The following MICAL2 variants were observed in gnomAD, a reference collection of about 807,000 sequenced individuals.
MICAL2 encodes microtubule associated monooxygenase, calponin and LIM domain containing 2.
A neutral mutation model predicts 127.3 loss-of-function variants in MICAL2; 77 were observed. That is an observed-to-expected ratio of 0.60 (90% CI 0.50 to 0.73). The LOEUF (loss-of-function observed/expected upper bound fraction) is 0.73, where lower values mean the gene tolerates loss of function less well. Among genes scored for constraint, MICAL2 ranks in the 30% least tolerant of loss-of-function variants. The probability of loss-of-function intolerance (pLI) is 0.00; values close to 1 mark genes in which losing one functional copy is unlikely to be tolerated. For synonymous variants in MICAL2, 570 were observed against 551.1 expected, an observed-to-expected ratio of 1.03 and a Z score of -0.48; for missense variants, 1,351 against 1,434.4, an observed-to-expected ratio of 0.94 and a Z score of 0.94.
Position 12,319,564 on chromosome 11 carries a change from C to A in MICAL2, c.5213-132C>A, listed in dbSNP as rs545214225. ...CTTAGGTACTGTTGCCTCATGCTCA[C>A]GGCAGGTGCAGTGAGGGGAGGGCAG... is the stretch of plus-strand genomic sequence containing the variant. On this transcript the variant is annotated intron_variant, in intron 29 of 34. Transcript: ENST00000646065. 31 of 657,104 alleles carry A rather than the reference C, an allele frequency of 4.7e-5. 1 individual carries two copies. Among genetic ancestry groups the A allele is most frequent in the African/African-American group, 4.0e-4 (22 of 54,650 alleles). 40.7% of individuals were successfully genotyped at this position (657,104 alleles called of 1,614,324 possible). A position where few individuals can be genotyped will look rare whatever the true frequency, so the allele number is the denominator to read the frequency against.
rs768211689 is a variant in MICAL2 at position 12,204,458 on chromosome 11, G to C, written c.472+1G>C. On this transcript the variant is annotated splice_donor_variant, in intron 4 of 27. Coordinates refer to ENST00000683283, the MANE Select transcript of MICAL2 (RefSeq NM_001282663.2). LOFTEE classifies it high-confidence loss of function. ...TGTGCTGGCTCCATCGACCATATCAGTGAGTGGAGTCTATGGTGATATCCC... is the reference window on the plus strand; with the variant it reads ...TGTGCTGGCTCCATCGACCATATCACTGAGTGGAGTCTATGGTGATATCCC... 1.9e-6 allele frequency: 3 copies of C among 1,613,954 alleles called. No homozygotes were observed. The South Asian group carries it at 3.3e-5, about 18-fold the overall frequency.
At chr11:12,317,091 A>G (rs1054840620) in intron 29 of MICAL2, among the ~76,000 whole-genome samples, 1 of 152,136 alleles carries the variant, frequency 6.6e-6, no homozygotes, top group Non-Finnish European at 1.5e-5. Context: ...TAAGCAATAG[A>G]CTCAAGGGGA....
chr11:12,349,975 G>C (rs1458841262), intron 33 of MICAL2: 1 of 1,541,446 alleles, frequency 6.5e-7, no homozygotes, highest in Non-Finnish European at 9.0e-7. Flanking sequence ...AGTCCTAAAA[G>C]CAAAGGGGCA....
chr11:12,337,796 T>G (rs1590743884), intron 32 of MICAL2, among the ~76,000 whole-genome samples: 2 of 152,214 alleles, frequency 1.3e-5, no homozygotes, highest in African/African-American at 4.8e-5. Context: ...AGTTCTAGTT[T>G]GATTGCACTA....
intron 2 of MICAL2, 109 bp from the exon 3 acceptor site, chr11:12,161,970 G>T: frequency 1.5e-6 from 1 of 667,044 alleles, no homozygotes; most frequent in Non-Finnish European, 2.5e-6. Context: ...TAAATAGTGT[G>T]GTTAATATTT....
intron 2 of MICAL2, among the ~76,000 whole-genome samples, chr11:12,141,093 T>C (rs1415050930): frequency 1.3e-5 from 2 of 152,084 alleles, no homozygotes; most frequent in Non-Finnish European, 2.9e-5. Context: ...ATCCGCTGGG[T>C]CTGCTCTTTC....
chr11:12,134,979 A>G (rs1168706606), intron 1 of MICAL2, among the ~76,000 whole-genome samples: 3 of 152,354 alleles, frequency 2.0e-5, no homozygotes, highest in South Asian at 4.1e-4. Context: ...CTATGGCTGC[A>G]GGCAGCTCCC....
intron 32 of MICAL2, among the ~76,000 whole-genome samples, chr11:12,333,934 C>T (rs184124197): frequency 3.6e-4 from 55 of 152,180 alleles, no homozygotes; most frequent in Non-Finnish European, 6.9e-4. Context: ...TTAGAGATCA[C>T]AGGAAATAAG....
chr11:12,220,932 C>G (rs1044965440), intron 9 of MICAL2, among the ~76,000 whole-genome samples: 2 of 152,238 alleles, frequency 1.3e-5, no homozygotes, highest in Non-Finnish European at 2.9e-5. Flanking sequence ...GTGCAAGGAT[C>G]CTTAGATTAA....
At chr11:12,151,048 T>G (rs2133718159) in intron 2 of MICAL2, among the ~76,000 whole-genome samples, 1 of 152,260 alleles carries the variant, frequency 6.6e-6, no homozygotes, top group Non-Finnish European at 1.5e-5. Context: ...AAAGGAGTAC[T>G]TAGTGACTCA....
At chr11:12,284,124 C>A (rs927700759) in intron 2 of MICAL2, among the ~76,000 whole-genome samples, 3 of 152,142 alleles carry the variant, frequency 2.0e-5, no homozygotes, top group Non-Finnish European at 4.4e-5. Context: ...CTAAATGAAT[C>A]GATCTAGTGC....
At chr11:12,143,584 AT>A (rs1307388108) in intron 2 of MICAL2, among the ~76,000 whole-genome samples, 1 of 152,148 alleles carries the variant, frequency 6.6e-6, no homozygotes, top group Non-Finnish European at 1.5e-5. Context: ...GTGATTATTG[AT>A]GGGGCAAAGT....
rs758903906 is a variant in MICAL2, at chr11:12,209,423, C to T, written c.590-74C>T. 5.0e-6 allele frequency: 6 copies of T among 1,196,758 alleles called. No individual in the cohort carries two copies. The Admixed American group carries it at 1.0e-4, about 20-fold the overall frequency. The allele number at this position is 1,196,758 out of a possible 1,614,324, so 74.1% of individuals were successfully genotyped here. On this transcript the variant is annotated intron_variant, in intron 5 of 27. Transcript: ENST00000683283. ...TGGCTGCACTGTCCATTTCTCATAG[C>T]CACCACACGGGGGGTATAATCATTC...
intron 3 of MICAL2, among the ~76,000 whole-genome samples, chr11:12,202,520 A>G (rs1053740647): frequency 3.9e-5 from 6 of 152,368 alleles, no homozygotes; most frequent in African/African-American, 1.4e-4. Flanking sequence ...AACCCACAGT[A>G]AGTGTTCAAC....
chr11:12,182,445 C>T (rs983082267), intron 3 of MICAL2, among the ~76,000 whole-genome samples: 1 of 152,152 alleles, frequency 6.6e-6, no homozygotes. Flanking sequence ...CAAATTTCCA[C>T]ATCTGTAAAA....
chr11:12,213,795 A>G (rs1353271797), intron 7 of MICAL2, among the ~76,000 whole-genome samples: 4 of 152,182 alleles, frequency 2.6e-5, no homozygotes. Context: ...GGTCAGCATG[A>G]TATTTAGGGA....
chr11:12,358,300 C>G, exon 35 of MICAL2: 1 of 1,613,162 alleles, frequency 6.2e-7, no homozygotes, highest in Non-Finnish European at 8.5e-7. Context: ...TTTAGAGAGC[C>G]AGAAAGATGA....
intron 2 of MICAL2, among the ~76,000 whole-genome samples, chr11:12,285,854 T>A (rs1863820639): frequency 6.6e-6 from 1 of 152,184 alleles, no homozygotes; most frequent in South Asian, 2.1e-4. Flanking sequence ...ATTCAGACCC[T>A]CCCTGCGTCC....
chr11:12,287,377 C>T, downstream of MICAL2: 1 of 365,168 alleles, frequency 2.7e-6, no homozygotes, highest in Non-Finnish European at 4.9e-6. Flanking sequence ...TCCCATCCCC[C>T]TCCACCCCAC....
Sources: allele counts gnomAD v4.1 joint callset (sites outside exome capture counted in the v4.1 genomes callset), GRCh38; gene constraint gnomAD v4.1.1; transcripts MANE v1.5; gene names NCBI Gene and HGNC (gene_info 2026-07-23, HGNC 2026-07-21).